Variants in USP32 observed in about 807,000 individuals in gnomAD.
USP32 encodes ubiquitin carboxyl-terminal hydrolase 32.
USP32 carries 59 observed loss-of-function variants against 204.8 expected under a neutral mutation model. The observed-to-expected ratio is 0.29, with a 90% CI of 0.23 to 0.36. The LOEUF is 0.36. Ranked by LOEUF, USP32 falls within the 10% of genes least tolerant of loss-of-function variation. The probability of loss-of-function intolerance (pLI) is 1.00; values close to 1 mark genes in which losing one functional copy is unlikely to be tolerated. For synonymous variants in USP32, 517 were observed against 678.4 expected (o/e 0.76, Z 3.70); for missense variants, 1,160 against 1,946.4 (o/e 0.60, Z 7.60).
chr17:60,199,611 G>C (rs1318322728), intron 26 of USP32, among the ~76,000 whole-genome samples: 1 of 152,112 alleles, frequency 6.6e-6, no homozygotes, highest in African/African-American at 2.4e-5. Context: ...AAGTTAGCTA[G>C]TTTCTAAGTA....
Position 60,179,502 on chromosome 17 carries a change from G to C in USP32, c.4642-74C>G, listed in dbSNP as rs1431611513. 7.7e-6 allele frequency: 12 copies of C among 1,565,736 alleles called. No individual in the cohort carries two copies. The East Asian group carries it at 1.8e-4, about 23-fold the overall frequency. On this transcript the variant is annotated intron_variant, in intron 33 of 33. Transcript: ENST00000300896. ...TCTAAATCCTTGCCAGGAAAGGGAA[G>C]ACCAACCCTCTGTAATTACTAAACC...
chr17:60,276,196 T>C (rs1241119221), intron 5 of USP32, among the ~76,000 whole-genome samples: 1 of 152,258 alleles, frequency 6.6e-6, no homozygotes, highest in East Asian at 1.9e-4. Flanking sequence ...TTGGGCAACA[T>C]AGTGAGACCC....
intron 1 of USP32, among the ~76,000 whole-genome samples, chr17:60,345,938 T>C (rs538967767): frequency 6.6e-6 from 1 of 151,956 alleles, no homozygotes; most frequent in African/African-American, 2.4e-5. Context: ...GCCAAGACCA[T>C]GCCGCCGCAC....
intron 11 of USP32, among the ~76,000 whole-genome samples, chr17:60,237,049 C>A (rs1305017623): frequency 6.6e-6 from 1 of 152,076 alleles, no homozygotes. Flanking sequence ...ATTTAACATT[C>A]CCATCAGCAA....
At chr17:60,283,437 T>C (rs2087022640) in intron 5 of USP32, among the ~76,000 whole-genome samples, 1 of 152,162 alleles carries the variant, frequency 6.6e-6, no homozygotes, top group African/African-American at 2.4e-5. Flanking sequence ...TAAAAATACA[T>C]TTAAAAAATT....
intron 2 of USP32, among the ~76,000 whole-genome samples, chr17:60,344,397 G>A (rs968558648): frequency 1.3e-5 from 2 of 151,766 alleles, no homozygotes; most frequent in African/African-American, 4.8e-5. Context: ...CAAAGTGCGG[G>A]GATTACAGGT....
intron 2 of USP32, among the ~76,000 whole-genome samples, chr17:60,336,581 T>C (rs1016356881): frequency 7.0e-6 from 1 of 142,980 alleles, no homozygotes; most frequent in East Asian, 1.9e-4. Context: ...CCGGGCGTAG[T>C]GGCGGGCGCC....
At chr17:60,380,569 T>C (rs1007599774) in intron 1 of USP32, among the ~76,000 whole-genome samples, 1 of 152,114 alleles carries the variant, frequency 6.6e-6, no homozygotes, top group African/African-American at 2.4e-5. Flanking sequence ...TCATTCCAGA[T>C]AAGAGAAATC....
intron 1 of USP32, among the ~76,000 whole-genome samples, chr17:60,346,977 G>A (rs1176953359): frequency 1.3e-5 from 2 of 152,156 alleles, no homozygotes; most frequent in Non-Finnish European, 2.9e-5. Flanking sequence ...GACACAGTCA[G>A]ATACAACTCA....
At chr17:60,315,318 TG>T (rs774866093) in intron 2 of USP32, among the ~76,000 whole-genome samples, 4 of 152,078 alleles carry the variant, frequency 2.6e-5, no homozygotes, top group Admixed American at 1.3e-4. Context: ...GAGAATGGCT[TG>T]AACCCGGAAG....
At chr17:60,412,465 G>A (rs1294288764) in intron 1 of USP32, among the ~76,000 whole-genome samples, 2 of 151,574 alleles carry the variant, frequency 1.3e-5, no homozygotes, top group Admixed American at 1.3e-4. Flanking sequence ...AGTCTGAGAG[G>A]TCAAGGCTTC....
intron 1 of USP32, among the ~76,000 whole-genome samples, chr17:60,376,456 A>C (rs1459100932): frequency 6.6e-6 from 1 of 152,006 alleles, no homozygotes; most frequent in East Asian, 1.9e-4. Flanking sequence ...ACAGTATTAA[A>C]GTATTAATAA....
chr17:60,201,815 C>T (rs1274619502), intron 26 of USP32, among the ~76,000 whole-genome samples: 6 of 152,158 alleles, frequency 3.9e-5, no homozygotes, highest in Admixed American at 6.5e-5. Flanking sequence ...CCCACCATCA[C>T]GCCCAGTTAA....
Position 60,205,584 on chromosome 17 carries a change from T to G in USP32, c.3112A>C (p.Ile1038Leu), listed in dbSNP as rs750000003. 6.2e-7 allele frequency: 1 copy of G among 1,613,960 alleles called. No individual in the cohort carries two copies. Among genetic ancestry groups the G allele is most frequent in the Non-Finnish European group, 8.5e-7 (1 of 1,179,864 alleles). ...TNGDLPRPIF[I>L]PNGMPNTVVP... ...ACAGTGTTTGGCATTCCATTGGGGA[T>G]GAATATTGGTCGGGGTAGGTCCCCA... Residue 1038 changes from isoleucine (I) to leucine (L), a missense_variant, in exon 26 of 34, where the codon ATC becomes CTC. By Grantham distance (5) the Ile-to-Leu change is conservative. Transcript: ENST00000300896.
intron 2 of USP32, among the ~76,000 whole-genome samples, chr17:60,309,088 T>G (rs935356277): frequency 7.9e-5 from 12 of 152,138 alleles, no homozygotes; most frequent in African/African-American, 2.7e-4. Context: ...AAAAAAATTT[T>G]TGTGTAATAC....
chr17:60,418,459 G>A (rs980415569), intron 1 of USP32, among the ~76,000 whole-genome samples: 38 of 144,164 alleles, frequency 2.6e-4, no homozygotes, highest in Non-Finnish European at 5.5e-4. Flanking sequence ...CATCTTCTCA[G>A]AATTGTGTTC....
intron 11 of USP32, among the ~76,000 whole-genome samples, chr17:60,246,153 A>G (rs1460640773): frequency 6.6e-6 from 1 of 151,862 alleles, no homozygotes; most frequent in African/African-American, 2.4e-5. Flanking sequence ...ACAGTCATTA[A>G]CTAACCTCTC....
chr17:60,292,541 C>A (rs2087309185), intron 4 of USP32, among the ~76,000 whole-genome samples: 1 of 152,146 alleles, frequency 6.6e-6, no homozygotes, highest in Non-Finnish European at 1.5e-5. Context: ...CTTCCCCCTA[C>A]TCATTCTGTC....
rs1387796431 is a variant in USP32 at position 60,185,756 on chromosome 17, T to C, written c.3643-105A>G. The stretch of plus-strand genomic sequence containing the variant: ...GGTCACTCACCCTTATTTTACTCTA[T>C]ATAAGGAAAAAGAAAATACAACTGG... On this transcript the variant is annotated intron_variant, in intron 29 of 33. Coordinates refer to ENST00000300896, the MANE Select transcript of USP32 (RefSeq NM_032582.4). 20 of 1,326,970 alleles carry C rather than the reference T, an allele frequency of 1.5e-5. No individual in the cohort carries two copies. The East Asian group carries it at 4.1e-4, about 27-fold the overall frequency. The allele number at this position is 1,326,970 out of a possible 1,614,324, so 82.2% of individuals were successfully genotyped here.
Sources: gnomAD v4.1 joint callset for allele counts (sites outside exome capture counted in the v4.1 genomes callset) on GRCh38, gnomAD v4.1.1 for gene constraint, MANE v1.5 for transcripts, NCBI Gene and HGNC (gene_info 2026-07-23, HGNC 2026-07-21) for gene names.